The following LHFPL6 variants were observed in gnomAD, a reference collection of about 807,000 sequenced individuals.
LHFPL6 encodes LHFPL tetraspan subfamily member 6, also known as LHFPL tetraspan subfamily member 6 protein.
A neutral mutation model predicts 20.6 loss-of-function variants in LHFPL6; 9 were observed. The ratio of observed to expected loss-of-function variants is 0.44; its 90% confidence interval spans 0.26 to 0.76. LHFPL6 has a LOEUF of 0.76. Ranked by LOEUF, LHFPL6 falls within the 30% of genes least tolerant of loss-of-function variation. LHFPL6 has a pLI of 0.20. For missense variants in LHFPL6, 218 were observed against 253.5 expected (o/e 0.86, Z 0.95); for synonymous variants, 105 against 98.7 (o/e 1.06, Z -0.38).
At chr13:39,405,986 G>A (rs1259708405) in intron 2 of LHFPL6, among the ~76,000 whole-genome samples, 1 of 152,188 alleles carries the variant, frequency 6.6e-6, no homozygotes, top group African/African-American at 2.4e-5. Context: ...CATTAAAAGA[G>A]TCCTCATGGG....
intron 2 of LHFPL6, among the ~76,000 whole-genome samples, chr13:39,575,047 G>A (rs1204107811): frequency 6.6e-6 from 1 of 151,846 alleles, no homozygotes; most frequent in Non-Finnish European, 1.5e-5. Flanking sequence ...CTTTGGCCTC[G>A]CGACAGAGCA....
Position 39,446,775 on chromosome 13 carries a change from G to C in LHFPL6, c.386-68249C>G, listed in dbSNP as rs138097658. Among the ~76,000 whole-genome samples the C allele has an allele frequency of 6.6e-5, 10 of 152,264 alleles. No individual in the cohort carries two copies. In the East Asian group the frequency reaches 1.9e-3, roughly 29 times the overall value. The stretch of plus-strand genomic sequence containing the variant: ...CAAACTTCACGATACTAAGTGGCAT[G>C]CCATTTTGACCTGTTAACTATATGC... On this transcript the variant is annotated intron_variant, in intron 2 of 3. Coordinates refer to ENST00000379589, the MANE Select transcript of LHFPL6 (RefSeq NM_005780.3).
At chr13:39,456,958 G>A (rs181714394) in intron 2 of LHFPL6, among the ~76,000 whole-genome samples, 85 of 152,104 alleles carry the variant, frequency 5.6e-4, no homozygotes, top group Admixed American at 3.9e-3. Context: ...CACCACGCCC[G>A]GCTAATTTTT....
At chr13:39,372,379 G>A (rs1249232396) in intron 3 of LHFPL6, among the ~76,000 whole-genome samples, 2 of 79,374 alleles carry the variant, frequency 2.5e-5, no homozygotes, top group African/African-American at 9.4e-5. Flanking sequence ...AACTAAGGAC[G>A]ATTTTTTTCA....
chr13:39,584,752 G>A (rs920308753), intron 2 of LHFPL6, among the ~76,000 whole-genome samples: 3 of 151,834 alleles, frequency 2.0e-5, no homozygotes, highest in African/African-American at 7.3e-5. Flanking sequence ...AGTAAGAAGG[G>A]CAAAACAACA....
At chr13:39,449,658 T>G (rs1462414184) in intron 2 of LHFPL6, among the ~76,000 whole-genome samples, 2 of 152,152 alleles carry the variant, frequency 1.3e-5, no homozygotes, top group African/African-American at 4.8e-5. Flanking sequence ...ATATAAGATA[T>G]ACAGATTGAG....
At chr13:39,385,566 T>A (rs990985499) in intron 2 of LHFPL6, among the ~76,000 whole-genome samples, 1 of 152,252 alleles carries the variant, frequency 6.6e-6, no homozygotes, top group Non-Finnish European at 1.5e-5. Flanking sequence ...CTCTTCGATT[T>A]CACAAAATGC....
intron 3 of LHFPL6, among the ~76,000 whole-genome samples, chr13:39,351,893 T>A (rs555941544): frequency 6.6e-6 from 1 of 152,368 alleles, no homozygotes; most frequent in East Asian, 1.9e-4. Context: ...TCTATAAATT[T>A]GTACTGACCA....
intron 2 of LHFPL6, among the ~76,000 whole-genome samples, chr13:39,524,736 T>C (rs1210733994): frequency 6.6e-6 from 1 of 152,164 alleles, no homozygotes; most frequent in Non-Finnish European, 1.5e-5. Flanking sequence ...ATGAGACAAA[T>C]AGGCCTCCTG....
chr13:39,602,899 G>C lies in LHFPL6; in HGVS notation c.-191C>G, dbSNP rs1410089345. 1 of 152,472 alleles carries C rather than the reference G, an allele frequency of 6.6e-6. No homozygotes were observed. Among genetic ancestry groups the C allele is most frequent in the Admixed American group, 6.5e-5 (1 of 15,282 alleles). The allele number at this position is 152,472 out of a possible 1,614,324, so 9.4% of individuals were successfully genotyped here. A position where few individuals can be genotyped will look rare whatever the true frequency, so the allele number is the denominator to read the frequency against. On this transcript the variant is annotated 5_prime_UTR_variant, in exon 1 of 4. Coordinates refer to ENST00000379589, the MANE Select transcript of LHFPL6 (RefSeq NM_005780.3). ...TTTACTTACATGGCTGGCGGGCGGC[G>C]GCCACCTTCCCTCCCGCGTCCCGGG... is the stretch of plus-strand genomic sequence containing the variant.
intron 2 of LHFPL6, among the ~76,000 whole-genome samples, chr13:39,588,664 A>C (rs898222620): frequency 1.4e-4 from 22 of 152,244 alleles, no homozygotes; most frequent in African/African-American, 5.3e-4. Flanking sequence ...ACATTGCTTA[A>C]ATATCTTCAC....
chr13:39,413,298 G>C (rs1871275026), intron 2 of LHFPL6, among the ~76,000 whole-genome samples: 1 of 152,068 alleles, frequency 6.6e-6, no homozygotes, highest in African/African-American at 2.4e-5. Context: ...AGAGCCTGTG[G>C]TCAAATAATA....
intron 2 of LHFPL6, among the ~76,000 whole-genome samples, chr13:39,432,715 C>T (rs1048711488): frequency 2.0e-5 from 3 of 152,080 alleles, no homozygotes; most frequent in Admixed American, 6.6e-5. Flanking sequence ...TTGTTTCTCC[C>T]TCCTCCCACT....
chr13:39,473,380 C>T (rs1872999340), intron 2 of LHFPL6, among the ~76,000 whole-genome samples: 1 of 150,418 alleles, frequency 6.6e-6, no homozygotes, highest in African/African-American at 2.5e-5. Flanking sequence ...TTTGTGTTTA[C>T]TAGTCCAATA....
intron 2 of LHFPL6, among the ~76,000 whole-genome samples, chr13:39,388,957 T>A (rs1259019024): frequency 6.6e-6 from 1 of 152,190 alleles, no homozygotes; most frequent in Non-Finnish European, 1.5e-5. Context: ...CCGATTGCAC[T>A]CATTGTGCGA....
intron 2 of LHFPL6, among the ~76,000 whole-genome samples, chr13:39,436,851 C>T (rs1307954055): frequency 3.3e-5 from 5 of 152,168 alleles, no homozygotes; most frequent in African/African-American, 1.2e-4. Context: ...ATGGCCCCAA[C>T]AATGGGAGGT....
At chr13:39,502,519 G>A (rs1260511224) in intron 2 of LHFPL6, among the ~76,000 whole-genome samples, 2 of 151,690 alleles carry the variant, frequency 1.3e-5, no homozygotes, top group Non-Finnish European at 2.9e-5. Context: ...TACTCAGGAG[G>A]CTGAGGTGGG....
intron 2 of LHFPL6, among the ~76,000 whole-genome samples, chr13:39,543,456 A>T (rs1870873578): frequency 6.6e-6 from 1 of 152,204 alleles, no homozygotes; most frequent in South Asian, 2.1e-4. Context: ...CTGGCACATA[A>T]TAAGCACCCA....
chr13:39,512,666 A>C (rs1869763963), intron 2 of LHFPL6, among the ~76,000 whole-genome samples: 1 of 152,016 alleles, frequency 6.6e-6, no homozygotes, highest in South Asian at 2.1e-4. Context: ...TTACAGAATG[A>C]TTAGCCAGTT....
Sources: gnomAD v4.1 joint callset for allele counts (sites outside exome capture counted in the v4.1 genomes callset) on GRCh38, gnomAD v4.1.1 for gene constraint, MANE v1.5 for transcripts, NCBI Gene and HGNC (gene_info 2026-07-23, HGNC 2026-07-21) for gene names.